The following ALCAM variants were observed in gnomAD, a reference collection of about 807,000 sequenced individuals.
ALCAM encodes activated leukocyte cell adhesion molecule.
A neutral mutation model predicts 70.9 loss-of-function variants in ALCAM; 30 were observed. The ratio of observed to expected loss-of-function variants is 0.42; its 90% CI spans 0.32 to 0.57. The LOEUF is 0.57. ALCAM is among the 20% of genes least tolerant of loss of function. The pLI is 0.11. For missense variants in ALCAM, 591 were observed against 695.1 expected (o/e 0.85, Z 1.68); for synonymous variants, 249 against 242.5 (o/e 1.03, Z -0.25).
intron 1 of ALCAM, among the ~76,000 whole-genome samples, chr3:105,413,779 C>T (rs1936444599): frequency 6.6e-6 from 1 of 152,080 alleles, no homozygotes; most frequent in Non-Finnish European, 1.5e-5. Context: ...ATTACACTTT[C>T]TTTCAATTAA....
chr3:105,549,062 G>T (rs13317567), intron 11 of ALCAM, among the ~76,000 whole-genome samples: 1 of 151,288 alleles, frequency 6.6e-6, no homozygotes, highest in African/African-American at 2.4e-5. Context: ...CAAAGATTCC[G>T]TGAGAAAGTC....
rs1937869336 is a variant in ALCAM at position 105,469,798 on chromosome 3, T to G, written c.74-50269T>G. Reference sequence around the variant, plus strand: ...TAATATCCCTCAAATTTATTTCATATTATCCCAGTTTATCAAACATTTAGG... The same window carrying G: ...TAATATCCCTCAAATTTATTTCATAGTATCCCAGTTTATCAAACATTTAGG... On this transcript the variant is annotated intron_variant, in intron 1 of 15. Transcript: ENST00000306107. 3.3e-5 allele frequency among the ~76,000 whole-genome samples: 5 copies of G among 150,936 alleles called. No homozygotes were observed. The Admixed American group carries it at 3.3e-4, about 10-fold the overall frequency.
At chr3:105,505,339 A>G (rs1011717399) in intron 1 of ALCAM, among the ~76,000 whole-genome samples, 18 of 152,158 alleles carry the variant, frequency 1.2e-4, no homozygotes, top group Non-Finnish European at 1.5e-5. Flanking sequence ...GACATCTTAC[A>G]TGGCCAGAGA....
intron 11 of ALCAM, among the ~76,000 whole-genome samples, chr3:105,549,291 A>G (rs1940334679): frequency 6.6e-6 from 1 of 151,386 alleles, no homozygotes; most frequent in Admixed American, 6.6e-5. Flanking sequence ...TTTTACAACT[A>G]GAAGATGTCT....
intron 13 of ALCAM, 114 bp from the exon 14 acceptor site, chr3:105,552,354 G>C: frequency 7.7e-7 from 1 of 1,291,126 alleles, no homozygotes; most frequent in East Asian, 2.3e-5. Flanking sequence ...AAGTTTGCAT[G>C]TTAATTACTG....
Position 105,405,613 on chromosome 3 carries a change from C to T in ALCAM, c.73+38132C>T, listed in dbSNP as rs189238732. On this transcript the variant is annotated intron_variant, in intron 1 of 15. Transcript: ENST00000306107. ...ACTGCAGAATATACATTCTATTCAT[C>T]AGCACATGGAACATTCTCCAAGACA... 7.0e-4 allele frequency among the ~76,000 whole-genome samples: 107 copies of T among 152,254 alleles called. 1 individual carries two copies. Among genetic ancestry groups the T allele is most frequent in the Admixed American group, 3.8e-3 (58 of 15,286 alleles).
At chr3:105,475,248 T>C (rs1938074755) in intron 1 of ALCAM, among the ~76,000 whole-genome samples, 1 of 152,010 alleles carries the variant, frequency 6.6e-6, no homozygotes. Flanking sequence ...TTTAAGTTTA[T>C]AGTTTCCTCA....
At chr3:105,456,530 C>A (rs1357034381) in intron 1 of ALCAM, among the ~76,000 whole-genome samples, 1 of 152,132 alleles carries the variant, frequency 6.6e-6, no homozygotes, top group Non-Finnish European at 1.5e-5. Flanking sequence ...ATTCTTTATT[C>A]AAGCTTGACT....
intron 1 of ALCAM, among the ~76,000 whole-genome samples, chr3:105,439,051 C>T (rs1287039580): frequency 6.6e-6 from 1 of 152,122 alleles, no homozygotes; most frequent in Non-Finnish European, 1.5e-5. Context: ...CCTGCCAGAG[C>T]AAGATGGCTG....
At chr3:105,430,746 T>C (rs1475261849) in intron 1 of ALCAM, among the ~76,000 whole-genome samples, 1 of 152,134 alleles carries the variant, frequency 6.6e-6, no homozygotes, top group Non-Finnish European at 1.5e-5. Context: ...GGAGTGAATA[T>C]TTATCCTCCA....
intron 8 of ALCAM, among the ~76,000 whole-genome samples, chr3:105,542,709 CAT>C (rs1287468046): frequency 2.6e-5 from 4 of 151,766 alleles, no homozygotes; most frequent in Admixed American, 1.3e-4. Context: ...ACTTTAAAAA[CAT>C]GTGGGATATG....
At chr3:105,468,625 T>G (rs1233547453) in intron 1 of ALCAM, among the ~76,000 whole-genome samples, 1 of 151,268 alleles carries the variant, frequency 6.6e-6, no homozygotes, top group Non-Finnish European at 1.5e-5. Flanking sequence ...TAATGTACTT[T>G]GCCATTTCTG....
At chr3:105,555,443 T>C (rs1940494493) in intron 14 of ALCAM, among the ~76,000 whole-genome samples, 2 of 152,086 alleles carry the variant, frequency 1.3e-5, no homozygotes, top group Admixed American at 1.3e-4. Flanking sequence ...ATTTTTGGAA[T>C]ATGAATTAGT....
rs768074494 is a variant in ALCAM at position 105,574,930 on chromosome 3, T to G, written c.*479T>G. 6.6e-6 allele frequency: 1 copy of G among 152,516 alleles called. No individual in the cohort carries two copies. Among genetic ancestry groups the G allele is most frequent in the Non-Finnish European group, 1.5e-5 (1 of 68,024 alleles). 9.4% of individuals were successfully genotyped at this position (152,516 alleles called of 1,614,324 possible). A position where few individuals can be genotyped will look rare whatever the true frequency, so the allele number is the denominator to read the frequency against. On this transcript the variant is annotated 3_prime_UTR_variant, in exon 16 of 16. Coordinates refer to ENST00000306107, the MANE Select transcript of ALCAM (RefSeq NM_001627.4). ...TGCCCCAAACTTTCTCATAAGCACC[T>G]AAAACCCAAAGGTGGCAGCTTGTGA...
intron 1 of ALCAM, among the ~76,000 whole-genome samples, chr3:105,505,463 C>T (rs1939046793): frequency 6.6e-6 from 1 of 152,116 alleles, no homozygotes; most frequent in Non-Finnish European, 1.5e-5. Flanking sequence ...ATCCAGTCAC[C>T]TCCTACCAGG....
At chr3:105,371,774 A>T (rs1239293749) in intron 1 of ALCAM, among the ~76,000 whole-genome samples, 1 of 152,174 alleles carries the variant, frequency 6.6e-6, no homozygotes, top group Non-Finnish European at 1.5e-5. Context: ...ACTCAAGTAG[A>T]CACATGCAAT....
chr3:105,484,720 G>A (rs769783532), intron 1 of ALCAM, among the ~76,000 whole-genome samples: 2 of 152,012 alleles, frequency 1.3e-5, no homozygotes, highest in African/African-American at 2.4e-5. Context: ...ACATCCAAAG[G>A]CATTTTTACA....
chr3:105,502,545 C>T (rs1453380711), intron 1 of ALCAM, among the ~76,000 whole-genome samples: 1 of 152,160 alleles, frequency 6.6e-6, no homozygotes, highest in Non-Finnish European at 1.5e-5. Flanking sequence ...GCAGGTTAGA[C>T]GGATGGATTG....
At chr3:105,463,505 C>T (rs1255021262) in intron 1 of ALCAM, among the ~76,000 whole-genome samples, 38 of 151,432 alleles carry the variant, frequency 2.5e-4, no homozygotes, top group Non-Finnish European at 4.9e-4. Context: ...TTTCTTAAGG[C>T]ATTTTGGTGA....
Sources: gnomAD v4.1 joint callset for allele counts (sites outside exome capture counted in the v4.1 genomes callset) on GRCh38, gnomAD v4.1.1 for gene constraint, MANE v1.5 for transcripts, NCBI Gene and HGNC (gene_info 2026-07-23, HGNC 2026-07-21) for gene names.